The following KREMEN1 variants were observed in gnomAD, a reference collection of about 807,000 sequenced individuals.
KREMEN1 encodes kringle containing transmembrane protein 1.
In KREMEN1, 30 loss-of-function variants were observed where a neutral mutation model predicts 46.5. The observed-to-expected ratio is 0.65, with a 90% CI of 0.48 to 0.88. The LOEUF is 0.88. Among genes scored for constraint, KREMEN1 ranks in the 40% least tolerant of loss-of-function variants. The pLI is 0.00. For synonymous variants in KREMEN1, 214 were observed against 230.6 expected (o/e 0.93, Z 0.65); for missense variants, 533 against 596.9 (o/e 0.89, Z 1.11).
downstream of KREMEN1, among the ~76,000 whole-genome samples, chr22:29,151,095 A>G (rs928013581): frequency 6.6e-6 from 1 of 152,060 alleles, no homozygotes; most frequent in African/African-American, 2.4e-5. Flanking sequence ...TCAAACCTAC[A>G]CTTCTTTACC....
intron 3 of KREMEN1, among the ~76,000 whole-genome samples, chr22:29,100,754 G>T (rs1023828343): frequency 6.6e-6 from 1 of 152,190 alleles, no homozygotes; most frequent in African/African-American, 2.4e-5. Flanking sequence ...AGAAGGCATT[G>T]TTTTCACAGA....
In KREMEN1 at chr22:29,089,857, C is replaced by G. The variant is rs572815269; in HGVS notation, c.98-4401C>G. On this transcript the variant is annotated intron_variant, in intron 1 of 8. Transcript: ENST00000400335. ...CATTTGCTGGACCCTCTGCCAGTTA[C>G]ACACCTGCCGCCTCGTTCACTGGGT... Among the ~76,000 whole-genome samples, 7 of 152,314 alleles carry G rather than the reference C, an allele frequency of 4.6e-5. No homozygotes were observed. The South Asian group carries it at 1.5e-3, about 32-fold the overall frequency.
At position 29,133,651 on chromosome 22, in the gene KREMEN1, T is replaced by C. The variant is rs552835147; in HGVS notation, c.632-3691T>C. 5.2e-3 allele frequency among the ~76,000 whole-genome samples: 515 copies of C among 99,528 alleles called. 5 individuals are homozygous for C. Among genetic ancestry groups the C allele is most frequent in the African/African-American group, 0.015 (495 of 32,500 alleles). 65.3% of individuals were successfully genotyped at this position (99,528 alleles called of 152,430 possible). ...TGTCTAGGTGTGTCTTCTTTGTCTGTTTTTTTTTGTTTGTTTTTTTTGCTT... is the reference window on the plus strand; with the variant it reads ...TGTCTAGGTGTGTCTTCTTTGTCTGCTTTTTTTTGTTTGTTTTTTTTGCTT... On this transcript the variant is annotated intron_variant, in intron 5 of 8. Transcript: ENST00000400335.
At position 29,138,711 on chromosome 22, in the gene KREMEN1, G is replaced by A; in HGVS notation, c.1052G>A (p.Ser351Asn). ...ACGGAGCAGGCCAACCTCAGTGTCA[G>A]CGCTGCCCGGTCCTCCAAAGTCCTC... ...VITEQANLSV[S>N]AARSSKVLYV... The change falls in exon 7 of 9, where the codon AGC (serine) becomes AAC (asparagine). Residue 351 changes from serine (S) to asparagine (N), a missense_variant. Transcript: ENST00000400335. 1 of 1,614,228 alleles carries A rather than the reference G, an allele frequency of 6.2e-7. No homozygotes were observed. Among genetic ancestry groups the A allele is most frequent in the Non-Finnish European group, 8.5e-7 (1 of 1,180,046 alleles).
At chr22:29,124,354 C>T (rs191034400) in intron 4 of KREMEN1, among the ~76,000 whole-genome samples, 120 of 152,098 alleles carry the variant, frequency 7.9e-4, no homozygotes, top group African/African-American at 2.8e-3. Flanking sequence ...TTCGAAAAGA[C>T]AAAACTACAG....
At chr22:29,165,602 G>A (rs2039046505) in intron 9 of KREMEN1, among the ~76,000 whole-genome samples, 1 of 152,118 alleles carries the variant, frequency 6.6e-6, no homozygotes, top group Non-Finnish European at 1.5e-5. Context: ...ATCACAACAG[G>A]CTAGTAATAA....
intron 5 of KREMEN1, among the ~76,000 whole-genome samples, chr22:29,129,650 C>T (rs2038503455): frequency 6.6e-6 from 1 of 152,142 alleles, no homozygotes; most frequent in African/African-American, 2.4e-5. Context: ...TAGAGGAACA[C>T]CCAGGCTCCT....
chr22:29,140,212 A>G, intron 7 of KREMEN1, 70 bp from the exon 8 acceptor site: 3 of 1,212,842 alleles, frequency 2.5e-6, no homozygotes, highest in Non-Finnish European at 3.7e-6. Context: ...TCACTTGGGT[A>G]TTCCAGCCGA....
chr22:29,154,564 C>T (rs1298506547), intron 9 of KREMEN1: 2 of 152,436 alleles, frequency 1.3e-5, no homozygotes, highest in Non-Finnish European at 1.5e-5. Context: ...CAGCCGCCGC[C>T]TCCTGCCGCC....
At chr22:29,104,934 T>C (rs1461005950) in intron 3 of KREMEN1, among the ~76,000 whole-genome samples, 1 of 152,084 alleles carries the variant, frequency 6.6e-6, no homozygotes, top group East Asian at 1.9e-4. Context: ...CTTAGACATA[T>C]TTAGAAGTTA....
At chr22:29,084,986 C>T (rs1290606159) in intron 1 of KREMEN1, among the ~76,000 whole-genome samples, 2 of 152,098 alleles carry the variant, frequency 1.3e-5, no homozygotes, top group Non-Finnish European at 2.9e-5. Context: ...TAAAACATTA[C>T]AGTGATTTTT....
intron 4 of KREMEN1, among the ~76,000 whole-genome samples, chr22:29,123,681 T>C (rs1341393117): frequency 6.6e-6 from 1 of 152,134 alleles, no homozygotes; most frequent in Non-Finnish European, 1.5e-5. Context: ...TCCCAGTTAC[T>C]CGGGAAGCTG....
At chr22:29,094,773 G>A (rs954209765) in intron 2 of KREMEN1, among the ~76,000 whole-genome samples, 9 of 151,848 alleles carry the variant, frequency 5.9e-5, no homozygotes, top group African/African-American at 1.7e-4. Flanking sequence ...ACAGGCGCCC[G>A]CCAACACGCC....
At position 29,143,003 on chromosome 22, in the gene KREMEN1, A is replaced by G; in HGVS notation, c.*891A>G. 4 of 507,574 alleles carry G rather than the reference A, an allele frequency of 7.9e-6. No homozygotes were observed. The highest frequency in any genetic ancestry group is 1.0e-5 in the Non-Finnish European group (4 of 393,602). The allele number at this position is 507,574 out of a possible 1,614,324, so 31.4% of individuals were successfully genotyped here. ...CGTCTCTACTAAAAATATAAAAATTAGTCAGGCGTGGTGGCAGGCGCCTGT... is the reference window on the plus strand; with the variant it reads ...CGTCTCTACTAAAAATATAAAAATTGGTCAGGCGTGGTGGCAGGCGCCTGT... On this transcript the variant is annotated 3_prime_UTR_variant, in exon 9 of 9. Transcript: ENST00000400335.
chr22:29,144,004 C>A lies in KREMEN1; in HGVS notation c.*1892C>A. ...TGCTGGTTGGGAGAGTAAGTGCCAT[C>A]ACTAATTTAAAAGTCCTTGCCATCT... On this transcript the variant is annotated 3_prime_UTR_variant, in exon 9 of 9. Transcript: ENST00000400335. The A allele has an allele frequency of 4.1e-6, 4 of 985,512 alleles. No individual in the cohort carries two copies. Among genetic ancestry groups the A allele is most frequent in the Non-Finnish European group, 4.8e-6 (4 of 829,988 alleles). The allele number at this position is 985,512 out of a possible 1,614,324, so 61.0% of individuals were successfully genotyped here. A position where few individuals can be genotyped will look rare whatever the true frequency, so the allele number is the denominator to read the frequency against.
chr22:29,144,504 A>G lies in KREMEN1; in HGVS notation c.*2392A>G. 1.0e-6 allele frequency: 1 copy of G among 985,504 alleles called. No homozygotes were observed. The allele number at this position is 985,504 out of a possible 1,614,324, so 61.0% of individuals were successfully genotyped here. The stretch of plus-strand genomic sequence containing the variant: ...TGATCTGGAAAGAGCAGCTGTCCGC[A>G]GGCCTCTGTCTCCAAGAGGCCTGTC... On this transcript the variant is annotated 3_prime_UTR_variant, in exon 9 of 9. Coordinates refer to ENST00000400335, the MANE Select transcript of KREMEN1 (RefSeq NM_001039570.3).
Position 29,112,124 on chromosome 22 carries a change from G to C in KREMEN1, c.353-9233G>C, listed in dbSNP as rs1255615597. 2.0e-5 allele frequency among the ~76,000 whole-genome samples: 3 copies of C among 152,154 alleles called. No individual in the cohort carries two copies. The East Asian group carries it at 5.8e-4, about 29-fold the overall frequency. On this transcript the variant is annotated intron_variant, in intron 3 of 8. Coordinates refer to ENST00000400335, the MANE Select transcript of KREMEN1 (RefSeq NM_001039570.3). ...GTTATCCATCCTTCTTCCTCTTCGT[G>C]GACCAGCAGAATTGGCTCATTCATC...
At chr22:29,093,484 C>T (rs975551307) in intron 1 of KREMEN1, among the ~76,000 whole-genome samples, 1 of 152,198 alleles carries the variant, frequency 6.6e-6, no homozygotes, top group Non-Finnish European at 1.5e-5. Flanking sequence ...CCTCAGTCCC[C>T]ATCCCCCAAA....
intron 2 of KREMEN1, among the ~76,000 whole-genome samples, chr22:29,096,394 G>T (rs2037882945): frequency 6.6e-6 from 1 of 152,066 alleles, no homozygotes; most frequent in Admixed American, 6.5e-5. Context: ...TTCCAGTGAG[G>T]CCTAATTTAT....
Sources: gnomAD v4.1 joint callset for allele counts (sites outside exome capture counted in the v4.1 genomes callset) on GRCh38, gnomAD v4.1.1 for gene constraint, MANE v1.5 for transcripts, NCBI Gene and HGNC (gene_info 2026-07-23, HGNC 2026-07-21) for gene names.